The following C2orf49 variants were observed in gnomAD, a reference collection of about 807,000 sequenced individuals.
The protein encoded by C2orf49 is tRNA splicing ligase complex subunit 2.
C2orf49 carries 11 observed loss-of-function variants against 20.6 expected under a neutral mutation model. The ratio of observed to expected loss-of-function variants is 0.53; its 90% CI spans 0.34 to 0.88. C2orf49 has a LOEUF of 0.88. Ranked by LOEUF, C2orf49 falls within the 40% of genes least tolerant of loss-of-function variation. The pLI, the probability that C2orf49 is intolerant of heterozygous loss-of-function variation, is 0.02. For missense variants in C2orf49, 289 were observed against 274.2 expected (o/e 1.05, Z -0.38); for synonymous variants, 134 against 108.5 (o/e 1.24, Z -1.46).
chr2:105,367,644 G>A, the C2orf49 span: 3 of 1,614,106 alleles, frequency 1.9e-6, no homozygotes, highest in African/African-American at 2.7e-5. Flanking sequence ...TTGTCTTTGG[G>A]GATGAAACTC....
intron 2 of C2orf49, among the ~76,000 whole-genome samples, chr2:105,341,087 G>A (rs1486577237): frequency 6.6e-6 from 1 of 152,192 alleles, no homozygotes; most frequent in Non-Finnish European, 1.5e-5. Flanking sequence ...TAGCTTGATG[G>A]TTACTTTACT....
the C2orf49 span, chr2:105,373,850 C>T: frequency 1.2e-6 from 1 of 857,022 alleles, no homozygotes; most frequent in Non-Finnish European, 1.8e-6. Flanking sequence ...GGCCGAGGCA[C>T]CCTGGCGCAC....
chr2:105,367,464 C>T, the C2orf49 span: 1 of 1,201,340 alleles, frequency 8.3e-7, no homozygotes, highest in Non-Finnish European at 1.2e-6. Context: ...TCCCACGCCA[C>T]TTAAGTATCA....
At chr2:105,344,690 C>CT (rs1679764767) in intron 3 of C2orf49, among the ~76,000 whole-genome samples, 1 of 152,036 alleles carries the variant, frequency 6.6e-6, no homozygotes, top group Admixed American at 6.5e-5. Context: ...AGCAATCCTC[C>CT]TGCCTCAGCC....
chr2:105,342,057 A>C (rs746178154), intron 2 of C2orf49, among the ~76,000 whole-genome samples: 7 of 152,182 alleles, frequency 4.6e-5, no homozygotes, highest in Non-Finnish European at 1.0e-4. Flanking sequence ...CCTGTATCCC[A>C]GCTATTCGGG....
chr2:105,350,262 G>A (rs961798514), downstream of C2orf49, among the ~76,000 whole-genome samples: 2 of 152,158 alleles, frequency 1.3e-5, no homozygotes, highest in African/African-American at 4.8e-5. Flanking sequence ...TCCCAGACAA[G>A]GACAAAACAT....
intron 2 of C2orf49, among the ~76,000 whole-genome samples, chr2:105,341,689 A>G (rs1679673391): frequency 1.3e-5 from 2 of 152,184 alleles, no homozygotes; most frequent in Admixed American, 1.3e-4. Context: ...ACTGCTAGAA[A>G]TCTGGTTAAA....
At chr2:105,356,390 C>CA in the C2orf49 span, among the ~76,000 whole-genome samples, 1 of 151,968 alleles carries the variant, frequency 6.6e-6, no homozygotes, top group African/African-American at 2.4e-5. Flanking sequence ...AACTCTGTCT[C>CA]AAAATGACAA....
chr2:105,344,858 G>A (rs547683017), intron 3 of C2orf49, among the ~76,000 whole-genome samples: 2 of 152,094 alleles, frequency 1.3e-5, no homozygotes, highest in African/African-American at 2.4e-5. Context: ...GATTACAGAC[G>A]TGAGCCACCT....
chr2:105,349,521 A>C (rs1177975851), downstream of C2orf49, among the ~76,000 whole-genome samples: 1 of 152,130 alleles, frequency 6.6e-6, no homozygotes, highest in Non-Finnish European at 1.5e-5. Flanking sequence ...TTGCTTTTTC[A>C]GTTGTTTAGT....
At chr2:105,382,883 A>G in the C2orf49 span, among the ~76,000 whole-genome samples, 1 of 151,918 alleles carries the variant, frequency 6.6e-6, no homozygotes, top group Non-Finnish European at 1.5e-5. Flanking sequence ...TGGCCAGCCT[A>G]TTTTTTATTT....
rs925832533 is a variant in C2orf49 at position 105,348,674 on chromosome 2, C to T, written c.*3303C>T. 1.1e-4 allele frequency: 17 copies of T among 151,626 alleles called. No homozygotes were observed. The highest frequency in any genetic ancestry group is 4.1e-4 in the African/African-American group (17 of 41,382). The allele number at this position is 151,626 out of a possible 1,614,324, so 9.4% of individuals were successfully genotyped here. A position where few individuals can be genotyped will look rare whatever the true frequency, so the allele number is the denominator to read the frequency against. ...ACATGCTTGTGCAGGTTTTGTAATTCAGTACAGAAAAGTTTAACCTTGTAC... is the reference window on the plus strand; with the variant it reads ...ACATGCTTGTGCAGGTTTTGTAATTTAGTACAGAAAAGTTTAACCTTGTAC... On this transcript the variant is annotated 3_prime_UTR_variant, in exon 4 of 4. Coordinates refer to ENST00000258457, the MANE Select transcript of C2orf49 (RefSeq NM_024093.3).
chr2:105,378,480 C>G, the C2orf49 span: 1 of 270,842 alleles, frequency 3.7e-6, no homozygotes, highest in East Asian at 1.0e-4. Flanking sequence ...CCTTTCCCTT[C>G]AGGCTGGTGT....
chr2:105,369,695 G>A, the C2orf49 span, among the ~76,000 whole-genome samples: 1 of 152,216 alleles, frequency 6.6e-6, no homozygotes, highest in Non-Finnish European at 1.5e-5. Context: ...CAACCTCCAT[G>A]CATACTTTTG....
At chr2:105,343,564 C>T (rs925498889) in intron 3 of C2orf49, among the ~76,000 whole-genome samples, 1 of 152,164 alleles carries the variant, frequency 6.6e-6, no homozygotes, top group Non-Finnish European at 1.5e-5. Flanking sequence ...AGGTTTAGAA[C>T]ATTAAGTAAT....
chr2:105,380,701 C>T, the C2orf49 span, among the ~76,000 whole-genome samples: 2 of 152,116 alleles, frequency 1.3e-5, no homozygotes, highest in Non-Finnish European at 2.9e-5. Context: ...GAAATATGGA[C>T]ACCTTGACAG....
chr2:105,343,258 G>T (rs529017778), intron 3 of C2orf49, 35 bp downstream of exon 3: 1 of 1,529,260 alleles, frequency 6.5e-7, no homozygotes, highest in Non-Finnish European at 8.7e-7. Flanking sequence ...CTGGTAAGTG[G>T]TCTGAATGAA....
At chr2:105,364,769 T>G in the C2orf49 span, among the ~76,000 whole-genome samples, 3 of 152,250 alleles carry the variant, frequency 2.0e-5, no homozygotes, top group Non-Finnish European at 4.4e-5. Context: ...GCTTGTGAAG[T>G]AGGAAAGATA....
At chr2:105,363,061 C>T in the C2orf49 span, 2 of 537,594 alleles carry the variant, frequency 3.7e-6, no homozygotes, top group African/African-American at 3.8e-5. Flanking sequence ...GAGCACTGGC[C>T]ATATGGTTGT....
Sources: gnomAD v4.1 joint callset for allele counts (sites outside exome capture counted in the v4.1 genomes callset) on GRCh38, gnomAD v4.1.1 for gene constraint, MANE v1.5 for transcripts, NCBI Gene and HGNC (gene_info 2026-07-23, HGNC 2026-07-21) for gene names.